Variants in LSAMP observed in about 807,000 individuals in gnomAD.
The protein encoded by LSAMP is limbic system-associated membrane protein.
LSAMP carries 7 observed loss-of-function variants against 38.6 expected under a neutral mutation model. The observed-to-expected ratio is 0.18, with a 90% CI of 0.10 to 0.34. LSAMP has a LOEUF of 0.34. Among genes scored for constraint, LSAMP ranks in the 10% least tolerant of loss-of-function variants. LSAMP has a pLI of 1.00. For synonymous variants in LSAMP, 154 were observed against 166.8 expected (o/e 0.92, Z 0.59); for missense variants, 313 against 420.0 (o/e 0.75, Z 2.23).
At chr3:116,080,535 A>T (rs1419484767) in intron 2 of LSAMP, among the ~76,000 whole-genome samples, 2 of 152,238 alleles carry the variant, frequency 1.3e-5, no homozygotes, top group African/African-American at 4.8e-5. Flanking sequence ...AAAACTTGAA[A>T]TCCTTTCTAC....
rs374542146 is a variant in LSAMP, at chr3:116,164,760, A to ATATATATT, written c.156-78205_156-78204insAATATATA. Among the ~76,000 whole-genome samples the ATATATATT allele has an allele frequency of 4.1e-4, 38 of 91,608 alleles. 4 individuals carry two copies. Among genetic ancestry groups the ATATATATT allele is most frequent in the South Asian group, 3.9e-3 (11 of 2,802 alleles). 60.1% of individuals were successfully genotyped at this position (91,608 alleles called of 152,430 possible). On this transcript the variant is annotated intron_variant, in intron 1 of 6. Transcript: ENST00000490035. ...TATATATCCATATATATATATATATATTTTTTTTTTTTTTCAAGTAGCATC... is the reference window on the plus strand; with the variant it reads ...TATATATCCATATATATATATATATATATATATTTTTTTTTTTTTTTTCAAGTAGCATC...
intron 3 of LSAMP, among the ~76,000 whole-genome samples, chr3:115,902,393 C>A (rs1435002165): frequency 1.3e-5 from 2 of 151,880 alleles, no homozygotes; most frequent in Non-Finnish European, 2.9e-5. Flanking sequence ...ACTATAAAAC[C>A]CTGTAAGACA....
rs146017752 is a variant in LSAMP, at chr3:116,054,562, A to G, written c.388+31762T>C. 2.5e-3 allele frequency among the ~76,000 whole-genome samples: 383 copies of G among 152,294 alleles called. 4 individuals are homozygous for G. Among genetic ancestry groups the G allele is most frequent in the African/African-American group, 8.9e-3 (371 of 41,572 alleles). ...TTCATGGTCTCTCACAGGTGAATCA[A>G]AGTAGCCCGAGAGAAAAGGGCTTCA... On this transcript the variant is annotated intron_variant, in intron 2 of 6. Transcript: ENST00000490035.
rs566710374 is a variant in LSAMP, at chr3:116,207,292, G to A, written c.156-120736C>T. Among the ~76,000 whole-genome samples, 7 of 152,246 alleles carry A rather than the reference G, an allele frequency of 4.6e-5. No homozygotes were observed. In the East Asian group the frequency reaches 5.8e-4, roughly 13 times the overall value. Reference sequence around the variant, plus strand: ...CTCCATCCTTTTATTTTGTGCCTATGTGTGTCTCTGCACATGAGTTGGGTT... The same window carrying A: ...CTCCATCCTTTTATTTTGTGCCTATATGTGTCTCTGCACATGAGTTGGGTT... On this transcript the variant is annotated intron_variant, in intron 1 of 6. Coordinates refer to ENST00000490035, the MANE Select transcript of LSAMP (RefSeq NM_002338.5).
chr3:116,340,922 T>A lies in LSAMP; in HGVS notation c.155+103955A>T, dbSNP rs76491658. Among the ~76,000 whole-genome samples, 41 of 152,124 alleles carry A rather than the reference T, an allele frequency of 2.7e-4. 1 individual carries two copies. In the East Asian group the frequency reaches 7.9e-3, roughly 29 times the overall value. On this transcript the variant is annotated intron_variant, in intron 1 of 6. Coordinates refer to ENST00000490035, the MANE Select transcript of LSAMP (RefSeq NM_002338.5). ...GTAATTTTCTCTGGCTCTTTCAACA[T>A]AGGAGAAGAAAACATTTCTGATGAC...
chr3:115,817,196 A>C (rs180760968), intron 6 of LSAMP, among the ~76,000 whole-genome samples: 1 of 152,334 alleles, frequency 6.6e-6, no homozygotes, highest in African/African-American at 2.4e-5. Context: ...ACAACTCGAA[A>C]GGGACTCCTC....
intron 1 of LSAMP, among the ~76,000 whole-genome samples, chr3:116,268,514 T>G (rs1461122): frequency 0.8 from 121,085 of 152,080 alleles, 48,514 homozygotes; most frequent in Non-Finnish European, 0.84. Context: ...TGTGAATCTG[T>G]AGGCTCATGC....
chr3:115,861,046 C>T (rs1211935390), intron 3 of LSAMP, among the ~76,000 whole-genome samples: 1 of 142,078 alleles, frequency 7.0e-6, no homozygotes, highest in African/African-American at 2.7e-5. Context: ...TTTTTCCTCC[C>T]CTCCTCCCCT....
intron 1 of LSAMP, among the ~76,000 whole-genome samples, chr3:116,297,007 C>A (rs2047345580): frequency 6.6e-6 from 1 of 152,102 alleles, no homozygotes; most frequent in Admixed American, 6.5e-5. Flanking sequence ...CCTCGTATCT[C>A]TTGCCTATCT....
At chr3:116,039,544 G>C (rs1486149640) in intron 2 of LSAMP, among the ~76,000 whole-genome samples, 4 of 152,226 alleles carry the variant, frequency 2.6e-5, no homozygotes, top group Non-Finnish European at 5.9e-5. Flanking sequence ...ATCTTGAAAA[G>C]CTGGACAGCT....
intron 1 of LSAMP, among the ~76,000 whole-genome samples, chr3:116,330,061 T>TAATAACATAA (rs2047828170): frequency 2.0e-5 from 3 of 152,128 alleles, no homozygotes; most frequent in Admixed American, 1.3e-4. Flanking sequence ...TTGCATAGTG[T>TAATAACATAA]TCAGTTATTA....
intron 6 of LSAMP, among the ~76,000 whole-genome samples, chr3:115,811,567 T>A (rs1377370276): frequency 1.1e-5 from 1 of 88,470 alleles, no homozygotes; most frequent in African/African-American, 3.8e-5. Context: ...TGTGTGAGTG[T>A]GTGTGTGTGT....
At chr3:116,196,522 G>A (rs745630465) in intron 1 of LSAMP, among the ~76,000 whole-genome samples, 2 of 151,958 alleles carry the variant, frequency 1.3e-5, no homozygotes, top group South Asian at 2.1e-4. Flanking sequence ...ATTTCTCCCC[G>A]ATATACTATC....
chr3:116,351,421 C>A (rs962071027), intron 1 of LSAMP, among the ~76,000 whole-genome samples: 1 of 152,040 alleles, frequency 6.6e-6, no homozygotes, highest in Non-Finnish European at 1.5e-5. Flanking sequence ...TGGAACCTGA[C>A]AGGGGAATGG....
intron 3 of LSAMP, among the ~76,000 whole-genome samples, chr3:115,950,319 A>G (rs747326073): frequency 6.6e-6 from 1 of 152,082 alleles, no homozygotes; most frequent in Non-Finnish European, 1.5e-5. Context: ...TGATATAATC[A>G]TATACCTAGA....
intron 1 of LSAMP, among the ~76,000 whole-genome samples, chr3:116,120,220 A>T (rs1034552509): frequency 3.3e-5 from 5 of 152,208 alleles, no homozygotes; most frequent in Non-Finnish European, 5.9e-5. Context: ...ATCTTGATGG[A>T]CCAAAGGAGG....
At chr3:116,324,215 T>A (rs1346103802) in intron 1 of LSAMP, among the ~76,000 whole-genome samples, 1 of 152,184 alleles carries the variant, frequency 6.6e-6, no homozygotes, top group Non-Finnish European at 1.5e-5. Context: ...ATAAGTTTCT[T>A]TATAGGGACA....
At chr3:116,319,338 G>A (rs772723136) in intron 1 of LSAMP, among the ~76,000 whole-genome samples, 2 of 152,094 alleles carry the variant, frequency 1.3e-5, no homozygotes, top group African/African-American at 4.8e-5. Context: ...GTTTCACTAC[G>A]TCAGGCATCA....
intron 1 of LSAMP, among the ~76,000 whole-genome samples, chr3:116,303,935 G>A (rs1310675455): frequency 6.6e-6 from 1 of 152,114 alleles, no homozygotes; most frequent in African/African-American, 2.4e-5. Context: ...TAACGTGGCT[G>A]GTGTAATGCC....
Sources: gnomAD v4.1 joint callset for allele counts (sites outside exome capture counted in the v4.1 genomes callset) on GRCh38, gnomAD v4.1.1 for gene constraint, MANE v1.5 for transcripts, NCBI Gene and HGNC (gene_info 2026-07-23, HGNC 2026-07-21) for gene names.